ADAMTS12: variants seen among roughly 807,000 people sequenced by gnomAD.
ADAMTS12 encodes the protein A disintegrin and metalloproteinase with thrombospondin motifs 12.
In ADAMTS12, 118 loss-of-function variants were observed where a neutral mutation model predicts 167.8. That is an observed-to-expected ratio of 0.70 (90% CI 0.61 to 0.82). ADAMTS12 has a LOEUF of 0.82. ADAMTS12 is among the 40% of genes least tolerant of loss of function. The pLI, the probability that ADAMTS12 is intolerant of heterozygous loss-of-function variation, is 0.00. For missense variants in ADAMTS12, 1,916 were observed against 1,998.8 expected (o/e 0.96, Z 0.79); for synonymous variants, 704 against 716.9 (o/e 0.98, Z 0.29).
chr5:33,642,339 A>C (rs1740493957), intron 10 of ADAMTS12, among the ~76,000 whole-genome samples: 1 of 152,326 alleles, frequency 6.6e-6, no homozygotes, highest in South Asian at 2.1e-4. Context: ...TTTCTGGTGC[A>C]TGATCCTTAT....
rs1028980957 is a variant in ADAMTS12 at position 33,755,016 on chromosome 5, A to G, written c.490-3468T>C. Among the ~76,000 whole-genome samples, 3 of 152,306 alleles carry G rather than the reference A, an allele frequency of 2.0e-5. No individual in the cohort carries two copies. In the South Asian group the frequency reaches 6.2e-4, roughly 32 times the overall value. On this transcript the variant is annotated intron_variant, in intron 2 of 23. Coordinates refer to ENST00000504830, the MANE Select transcript of ADAMTS12 (RefSeq NM_030955.4). ...TCCTCATAAATGTTTTATAAAAAGA[A>G]CACCTAGATGCAGAAATAGAACATT...
intron 2 of ADAMTS12, among the ~76,000 whole-genome samples, chr5:33,880,682 G>A (rs1438679312): frequency 2.6e-5 from 4 of 152,246 alleles, no homozygotes; most frequent in Non-Finnish European, 5.9e-5. Flanking sequence ...GTCTGATTAC[G>A]AAGCACACAG....
At chr5:33,746,756 AG>A (rs1480321356) in intron 3 of ADAMTS12, among the ~76,000 whole-genome samples, 1 of 152,266 alleles carries the variant, frequency 6.6e-6, no homozygotes, top group Non-Finnish European at 1.5e-5. Flanking sequence ...ATGTGATTAA[AG>A]CCTATAATCA....
At chr5:33,821,898 C>A (rs1439840050) in intron 2 of ADAMTS12, among the ~76,000 whole-genome samples, 1 of 152,184 alleles carries the variant, frequency 6.6e-6, no homozygotes, top group African/African-American at 2.4e-5. Flanking sequence ...TCCAGCTCTT[C>A]ATTTAGAACT....
intron 1 of ADAMTS12, 81 bp downstream of exon 1, chr5:33,891,649 G>A (rs944932602): frequency 1.3e-6 from 2 of 1,590,986 alleles, no homozygotes; most frequent in Admixed American, 1.7e-5. Flanking sequence ...CTGCCGGGTG[G>A]GGGAAGGGAA....
At chr5:33,836,320 T>C (rs948111243) in intron 2 of ADAMTS12, among the ~76,000 whole-genome samples, 1 of 152,132 alleles carries the variant, frequency 6.6e-6, no homozygotes, top group Non-Finnish European at 1.5e-5. Flanking sequence ...TGAAGGCTCA[T>C]CAGGCTGGAC....
At position 33,818,069 on chromosome 5, in the gene ADAMTS12, G is replaced by A. The variant is rs1214015126; in HGVS notation, c.489+63050C>T. Among the ~76,000 whole-genome samples the A allele has an allele frequency of 4.6e-5, 7 of 152,084 alleles. No homozygotes were observed. The East Asian group carries it at 1.3e-3, about 29-fold the overall frequency. ...GACAGCAAAATAAATCTGTGGTGAA[G>A]CAGTTTAACATATCTATCATCTCAC... On this transcript the variant is annotated intron_variant, in intron 2 of 23. Coordinates refer to ENST00000504830, the MANE Select transcript of ADAMTS12 (RefSeq NM_030955.4).
chr5:33,881,734 GTTT>G lies in ADAMTS12; in HGVS notation c.128-257_128-255del, dbSNP rs11295558. 4.0e-3 allele frequency among the ~76,000 whole-genome samples: 481 copies of G among 120,158 alleles called. 2 individuals carry two copies. Among genetic ancestry groups the G allele is most frequent in the African/African-American group, 0.012 (416 of 33,616 alleles). The allele number at this position is 120,158 out of a possible 152,430, so 78.8% of individuals were successfully genotyped here. On this transcript the variant is annotated intron_variant, in intron 1 of 23. Transcript: ENST00000504830. ...TGTGCCACAACACCTGGCTAATTTTGTTTTTTTTTTTTTTTTTTTAGTAGAGAC... is the reference window on the plus strand; with the variant it reads ...TGTGCCACAACACCTGGCTAATTTTGTTTTTTTTTTTTTTTTAGTAGAGAC...
rs577309600 is a variant in ADAMTS12 at position 33,670,505 on chromosome 5, G to T, written c.916-8465C>A. 2.6e-5 allele frequency among the ~76,000 whole-genome samples: 4 copies of T among 152,308 alleles called. No homozygotes were observed. The East Asian group carries it at 7.7e-4, about 29-fold the overall frequency. On this transcript the variant is annotated intron_variant, in intron 5 of 23. Transcript: ENST00000504830. ...ACCTGTAATCCCAGCACTTTGGGAG[G>T]CTGAGATGGGTGGATCACCTGAGGT...
intron 2 of ADAMTS12, among the ~76,000 whole-genome samples, chr5:33,861,683 A>G (rs1272547671): frequency 1.3e-5 from 2 of 152,222 alleles, no homozygotes; most frequent in South Asian, 2.1e-4. Context: ...CAGACCTAAT[A>G]TACATCTACA....
intron 2 of ADAMTS12, among the ~76,000 whole-genome samples, chr5:33,780,683 T>C (rs1746093210): frequency 6.6e-6 from 1 of 152,230 alleles, no homozygotes. Context: ...CTTATCAGGC[T>C]AATATTATAT....
intron 2 of ADAMTS12, among the ~76,000 whole-genome samples, chr5:33,872,713 A>T (rs985095257): frequency 1.2e-4 from 18 of 152,106 alleles, no homozygotes; most frequent in Admixed American, 6.5e-4. Context: ...GCTAAAAGGG[A>T]CCCAGACACA....
intron 1 of ADAMTS12, among the ~76,000 whole-genome samples, chr5:33,889,684 A>G (rs1484824945): frequency 1.3e-5 from 2 of 152,192 alleles, no homozygotes; most frequent in African/African-American, 4.8e-5. Flanking sequence ...TGGGTACAGT[A>G]GTTCACACCT....
chr5:33,871,087 C>T (rs1750022789), intron 2 of ADAMTS12, among the ~76,000 whole-genome samples: 1 of 152,076 alleles, frequency 6.6e-6, no homozygotes, highest in South Asian at 2.1e-4. Flanking sequence ...ATAAATTTAA[C>T]AGCTTAGATA....
At chr5:33,581,282 G>A (rs1747051421) in intron 18 of ADAMTS12, among the ~76,000 whole-genome samples, 1 of 152,154 alleles carries the variant, frequency 6.6e-6, no homozygotes, top group South Asian at 2.1e-4. Context: ...CCCTTTCCTT[G>A]TAATTTTGAA....
chr5:33,634,986 TGACTA>T (rs1740122558), intron 12 of ADAMTS12, among the ~76,000 whole-genome samples: 1 of 152,082 alleles, frequency 6.6e-6, no homozygotes, highest in Non-Finnish European at 1.5e-5. Flanking sequence ...CCCACCCTCC[TGACTA>T]GTTCGGATTA....
chr5:33,819,699 C>A (rs977052097), intron 2 of ADAMTS12, among the ~76,000 whole-genome samples: 2 of 152,046 alleles, frequency 1.3e-5, no homozygotes, highest in South Asian at 2.1e-4. Flanking sequence ...ACATTATAAA[C>A]GATCCACTCA....
chr5:33,576,992 T>G lies in ADAMTS12; in HGVS notation c.3034A>C (p.Asn1012His), dbSNP rs1236004196. Residue 1012 changes from asparagine to histidine, a missense_variant, in exon 19 of 24, where the codon AAT (asparagine) becomes CAT (histidine). Physicochemically the swap from Asn to His is moderately conservative, Grantham distance 68. Transcript: ENST00000504830. ...TTTAGTGTTGGTGGGTTTTTTCCATTGGAAATAGTGCCTTTGTTTGGTTTC... is the reference window on the plus strand; with the variant it reads ...TTTAGTGTTGGTGGGTTTTTTCCATGGGAAATAGTGCCTTTGTTTGGTTTC... ...VLKPNKGTIS[N>H]GKNPPTLKPV... 7 of 1,614,152 alleles carry G rather than the reference T, an allele frequency of 4.3e-6. No individual in the cohort carries two copies. The South Asian group carries it at 7.7e-5, about 18-fold the overall frequency.
intron 2 of ADAMTS12, among the ~76,000 whole-genome samples, chr5:33,813,390 T>C (rs1747533506): frequency 6.6e-6 from 1 of 152,250 alleles, no homozygotes; most frequent in South Asian, 2.1e-4. Flanking sequence ...AAAGTACTTG[T>C]TCAAGTTGTC....
Sources: allele counts gnomAD v4.1 joint callset (sites outside exome capture counted in the v4.1 genomes callset), GRCh38; gene constraint gnomAD v4.1.1; transcripts MANE v1.5; gene names NCBI Gene and HGNC (gene_info 2026-07-23, HGNC 2026-07-21).